The following ANKS1B variants were observed in gnomAD, a reference collection of about 807,000 sequenced individuals.
ANKS1B encodes ankyrin repeat and sterile alpha motif domain containing 1B, also known as ankyrin repeat and sterile alpha motif domain-containing protein 1B.
ANKS1B carries 36 observed loss-of-function variants against 148.3 expected under a neutral mutation model. The ratio of observed to expected loss-of-function variants is 0.24; its 90% CI spans 0.19 to 0.32. The LOEUF (loss-of-function observed/expected upper bound fraction) is 0.32. ANKS1B is among the 10% of genes least tolerant of loss of function. The pLI is 1.00. For synonymous variants in ANKS1B, 542 were observed against 560.8 expected (o/e 0.97, Z 0.47); for missense variants, 1,157 against 1,542.6 (o/e 0.75, Z 4.19).
At chr12:99,338,381 TGTG>T (rs2089335374) in intron 12 of ANKS1B, among the ~76,000 whole-genome samples, 3 of 152,072 alleles carry the variant, frequency 2.0e-5, no homozygotes, top group African/African-American at 7.2e-5. Flanking sequence ...TCAGTTAGCT[TGTG>T]GTGAATGCTG....
intron 17 of ANKS1B, chr12:98,931,600 G>A (rs2099813725): frequency 6.6e-6 from 1 of 152,128 alleles, no homozygotes; most frequent in Non-Finnish European, 1.5e-5. Flanking sequence ...TTGATGTCCT[G>A]TTACAACCAT....
At chr12:99,347,093 G>A (rs1397431964) in intron 12 of ANKS1B, among the ~76,000 whole-genome samples, 1 of 151,924 alleles carries the variant, frequency 6.6e-6, no homozygotes, top group Admixed American at 6.6e-5. Flanking sequence ...CCTATCAGGT[G>A]GTTTCCTGAA....
At chr12:99,672,263 C>G (rs919174890) in intron 8 of ANKS1B, among the ~76,000 whole-genome samples, 43 of 152,080 alleles carry the variant, frequency 2.8e-4, no homozygotes, top group African/African-American at 1.0e-3. Flanking sequence ...TTCTGACTTA[C>G]CAGGTTTACT....
At chr12:99,050,991 C>G (rs1024927553) in intron 17 of ANKS1B, among the ~76,000 whole-genome samples, 1 of 152,108 alleles carries the variant, frequency 6.6e-6, no homozygotes, top group African/African-American at 2.4e-5. Context: ...ACCACCACGC[C>G]TGACTAGAAA....
rs375602307 is a variant in ANKS1B, at chr12:99,639,688, G to A, written c.1272+15379C>T. On this transcript the variant is annotated intron_variant, in intron 9 of 26. Coordinates refer to ENST00000683438, the MANE Select transcript of ANKS1B (RefSeq NM_001352186.2). ...AAAAGGGGCATTTCCCCCTTTGCTCGGCACTTCTTTCTCCTGCCGCCATAT... is the reference window on the plus strand; with the variant it reads ...AAAAGGGGCATTTCCCCCTTTGCTCAGCACTTCTTTCTCCTGCCGCCATAT... 5.3e-5 allele frequency among the ~76,000 whole-genome samples: 8 copies of A among 152,150 alleles called. No individual in the cohort carries two copies. In the South Asian group the frequency reaches 6.2e-4, roughly 12 times the overall value.
Position 99,806,689 on chromosome 12 carries a change from A to G in ANKS1B, c.384T>C (p.Asn128=). 1 of 1,608,328 alleles carries G rather than the reference A, an allele frequency of 6.2e-7. No homozygotes were observed. Among genetic ancestry groups the G allele is most frequent in the Non-Finnish European group, 8.5e-7 (1 of 1,175,288 alleles). The change falls in exon 4 of 27, where the codon AAT becomes AAC. Residue 128 remains asparagine (N), a synonymous_variant. Transcript: ENST00000683438. The part of the protein sequence containing the change: ...HSRVNEQNNE[N]ETALHCAAQY... Reference sequence around the variant, plus strand: ...GAGCTGCACAGTGTAGGGCAGTTTCATTTTCATTGTTCTAAGACAAAGATT... The same window carrying G: ...GAGCTGCACAGTGTAGGGCAGTTTCGTTTTCATTGTTCTAAGACAAAGATT...
chr12:98,892,863 G>C (rs1433911612), intron 17 of ANKS1B, among the ~76,000 whole-genome samples: 1 of 152,154 alleles, frequency 6.6e-6, no homozygotes. Context: ...TTCTACACAT[G>C]AATCTATTGT....
intron 9 of ANKS1B, among the ~76,000 whole-genome samples, chr12:99,509,530 A>G (rs895667570): frequency 6.6e-6 from 1 of 151,950 alleles, no homozygotes; most frequent in African/African-American, 2.4e-5. Flanking sequence ...GCCAAATCCT[A>G]ATCCAGAGCA....
intron 1 of ANKS1B, among the ~76,000 whole-genome samples, chr12:99,948,580 C>T (rs1171264397): frequency 2.0e-5 from 3 of 152,178 alleles, no homozygotes; most frequent in African/African-American, 7.2e-5. Context: ...CAATTAAACA[C>T]TGCTGACCAT....
At chr12:98,945,562 A>G (rs2153043981) in intron 17 of ANKS1B, among the ~76,000 whole-genome samples, 1 of 151,538 alleles carries the variant, frequency 6.6e-6, no homozygotes, top group East Asian at 2.0e-4. Flanking sequence ...AATAAGTAAC[A>G]GAACTAGCAG....
At chr12:99,463,727 G>A (rs1416484909) in intron 10 of ANKS1B, among the ~76,000 whole-genome samples, 1 of 152,200 alleles carries the variant, frequency 6.6e-6, no homozygotes, top group Non-Finnish European at 1.5e-5. Flanking sequence ...AGGTGGCAGC[G>A]AGGCTTGGGG....
At chr12:99,235,944 T>A (rs998934566) in intron 14 of ANKS1B, among the ~76,000 whole-genome samples, 1 of 152,208 alleles carries the variant, frequency 6.6e-6, no homozygotes, top group Non-Finnish European at 1.5e-5. Flanking sequence ...CAATCCACCA[T>A]AAAACAATCA....
chr12:99,956,650 T>C (rs1192686306), intron 1 of ANKS1B, among the ~76,000 whole-genome samples: 4 of 152,196 alleles, frequency 2.6e-5, no homozygotes, highest in African/African-American at 7.2e-5. Context: ...AAAGACACCA[T>C]GTAGCCTCTC....
intron 9 of ANKS1B, among the ~76,000 whole-genome samples, chr12:99,528,377 A>G (rs1275808621): frequency 6.6e-6 from 1 of 151,684 alleles, no homozygotes; most frequent in Admixed American, 6.6e-5. Flanking sequence ...GACAAACGGG[A>G]CCTAATTAAA....
intron 17 of ANKS1B, among the ~76,000 whole-genome samples, chr12:98,917,749 C>T (rs140869822): frequency 3.0e-4 from 46 of 152,248 alleles, no homozygotes; most frequent in African/African-American, 8.7e-4. Flanking sequence ...GCAAATCCTG[C>T]GTGAACAAAG....
At chr12:99,857,423 T>C (rs2089334879) in intron 1 of ANKS1B, among the ~76,000 whole-genome samples, 1 of 152,208 alleles carries the variant, frequency 6.6e-6, no homozygotes, top group African/African-American at 2.4e-5. Context: ...CCCATGGTCA[T>C]GGATGGGTAG....
At chr12:98,993,773 T>C (rs78957451) in intron 17 of ANKS1B, among the ~76,000 whole-genome samples, 3,428 of 152,284 alleles carry the variant, frequency 0.023, 125 homozygotes, top group African/African-American at 0.078. Context: ...AGGATAAAGC[T>C]GTGAATTATA....
Position 99,115,479 on chromosome 12 carries a change from T to C in ANKS1B, c.2527-30456A>G, listed in dbSNP as rs2061156482. Among the ~76,000 whole-genome samples, 3 of 151,948 alleles carry C rather than the reference T, an allele frequency of 2.0e-5. No homozygotes were observed. The South Asian group carries it at 6.2e-4, about 32-fold the overall frequency. On this transcript the variant is annotated intron_variant, in intron 15 of 26. Transcript: ENST00000683438. ...ACTTGGGCCTCCTTGAGGGTGATGG[T>C]TGGGAGAAGGGAGAAGAGCAGAAAA... is the stretch of plus-strand genomic sequence containing the variant.
intron 1 of ANKS1B, among the ~76,000 whole-genome samples, chr12:99,890,290 C>A (rs1456358081): frequency 6.6e-6 from 1 of 152,106 alleles, no homozygotes; most frequent in Non-Finnish European, 1.5e-5. Flanking sequence ...AGATTACCCT[C>A]CCTAATGTAG....
Sources: allele counts gnomAD v4.1 joint callset (sites outside exome capture counted in the v4.1 genomes callset), GRCh38; gene constraint gnomAD v4.1.1; transcripts MANE v1.5; gene names NCBI Gene and HGNC (gene_info 2026-07-23, HGNC 2026-07-21).